Variants in CCDC6 observed in about 807,000 individuals in gnomAD.
CCDC6 encodes coiled-coil domain containing 6, also known as coiled-coil domain-containing protein 6.
A neutral mutation model predicts 56.6 loss-of-function variants in CCDC6; 20 were observed. The observed-to-expected ratio is 0.35, with a 90% CI of 0.25 to 0.51. The LOEUF (loss-of-function observed/expected upper bound fraction) is 0.51, where lower values mean the gene tolerates loss of function less well. Among genes scored for constraint, CCDC6 ranks in the 20% least tolerant of loss-of-function variants. The probability of loss-of-function intolerance (pLI) is 0.95; values close to 1 mark genes in which losing one functional copy is unlikely to be tolerated. For synonymous variants in CCDC6, 241 were observed against 234.4 expected (o/e 1.03, Z -0.26); for missense variants, 367 against 601.1 (o/e 0.61, Z 4.07).
intron 1 of CCDC6, among the ~76,000 whole-genome samples, chr10:59,867,175 G>C (rs1375439279): frequency 6.6e-6 from 1 of 152,238 alleles, no homozygotes; most frequent in South Asian, 2.1e-4. Context: ...TCTGAGATAG[G>C]GAATTTGGGA....
intron 2 of CCDC6, among the ~76,000 whole-genome samples, chr10:59,848,858 C>T (rs1361038298): frequency 3.3e-5 from 5 of 152,096 alleles, no homozygotes; most frequent in African/African-American, 7.2e-5. Flanking sequence ...AGATTACAGG[C>T]GTGTGCCACC....
intron 1 of CCDC6, among the ~76,000 whole-genome samples, chr10:59,888,108 T>A (rs536915987): frequency 1.8e-4 from 27 of 152,244 alleles, no homozygotes; most frequent in Non-Finnish European, 4.4e-5. Context: ...AGACTGCTTG[T>A]TATTCTACCT....
chr10:59,832,797 A>G, intron 2 of CCDC6, 144 bp from the exon 3 acceptor site: 1 of 704,014 alleles, frequency 1.4e-6, no homozygotes, highest in Middle Eastern at 2.5e-4. Flanking sequence ...GTATATACCT[A>G]GTAATCTGTG....
At position 59,794,462 on chromosome 10, in the gene CCDC6, C is replaced by A. The variant is rs756574614; in HGVS notation, c.1230+11G>T. On this transcript the variant is annotated intron_variant, in intron 8 of 8. Coordinates refer to ENST00000263102, the MANE Select transcript of CCDC6 (RefSeq NM_005436.5). ...GAGTAAAGTGCTGCTTCCTACCCCA[C>A]GGACACTTACTGTGATACCATGGGA... 6.2e-7 allele frequency: 1 copy of A among 1,613,684 alleles called. No individual in the cohort carries two copies. The highest frequency in any genetic ancestry group is 8.5e-7 in the Non-Finnish European group (1 of 1,179,722).
chr10:59,793,742 C>T (rs1387366742), intron 8 of CCDC6, among the ~76,000 whole-genome samples: 2 of 151,196 alleles, frequency 1.3e-5, no homozygotes, highest in Non-Finnish European at 2.9e-5. Context: ...AGACATCATG[C>T]TGCTGAACTC....
intron 1 of CCDC6, among the ~76,000 whole-genome samples, chr10:59,872,555 T>C (rs2071238504): frequency 6.6e-6 from 1 of 152,188 alleles, no homozygotes; most frequent in African/African-American, 2.4e-5. Context: ...AAAGACACAC[T>C]GCTTTAACTA....
intron 2 of CCDC6, among the ~76,000 whole-genome samples, chr10:59,837,594 A>C (rs1432741831): frequency 1.3e-5 from 2 of 151,970 alleles, no homozygotes; most frequent in East Asian, 3.9e-4. Context: ...AAATACAAAA[A>C]AATTAGCCAG....
chr10:59,792,611 G>A lies in CCDC6; in HGVS notation c.*306C>T. The A allele has an allele frequency of 2.9e-6, 2 of 679,586 alleles. No individual in the cohort carries two copies. Among genetic ancestry groups the A allele is most frequent in the Non-Finnish European group, 5.5e-6 (2 of 363,868 alleles). 42.1% of individuals were successfully genotyped at this position (679,586 alleles called of 1,614,324 possible). On this transcript the variant is annotated 3_prime_UTR_variant, in exon 9 of 9. Coordinates refer to ENST00000263102, the MANE Select transcript of CCDC6 (RefSeq NM_005436.5). ...AAAAGCCAGGAGAATGAAGCTCTGG[G>A]CCAAGCAAAAATTGCACACTGCTGC...
At chr10:59,905,464 T>G (rs767354543) in intron 1 of CCDC6, among the ~76,000 whole-genome samples, 3 of 152,196 alleles carry the variant, frequency 2.0e-5, no homozygotes, top group Non-Finnish European at 2.9e-5. Context: ...GCGTGGATGC[T>G]GCACTCTCCT....
chr10:59,822,889 C>A (rs990027589), intron 3 of CCDC6, among the ~76,000 whole-genome samples: 7 of 141,546 alleles, frequency 4.9e-5, no homozygotes, highest in Non-Finnish European at 9.4e-5. Context: ...CCCACCCCAC[C>A]CTATGCTTAT....
At chr10:59,853,710 TTTTTAC>T (rs1210873085) in intron 1 of CCDC6, among the ~76,000 whole-genome samples, 6 of 152,036 alleles carry the variant, frequency 3.9e-5, no homozygotes, top group African/African-American at 1.4e-4. Context: ...GGGGCTTCAT[TTTTTAC>T]TTTATTTCCC....
chr10:59,810,816 C>T (rs4948244), intron 5 of CCDC6, among the ~76,000 whole-genome samples: 57,511 of 151,972 alleles, frequency 0.38, 10,981 homozygotes, highest in South Asian at 0.44. Flanking sequence ...ACTAACCTCA[C>T]TTGACAGAAG....
At chr10:59,852,853 T>G in intron 1 of CCDC6, 151 bp from the exon 2 acceptor site, 1 of 553,842 alleles carries the variant, frequency 1.8e-6, no homozygotes, top group South Asian at 3.4e-5. Context: ...ACCCAAGAAA[T>G]GCAAAACAGA....
intron 1 of CCDC6, among the ~76,000 whole-genome samples, chr10:59,905,406 A>G (rs2071535392): frequency 6.6e-6 from 1 of 152,190 alleles, no homozygotes; most frequent in South Asian, 2.1e-4. Flanking sequence ...TCAGCCAGGG[A>G]GTCACAGTCA....
chr10:59,839,703 T>C (rs1249039308), intron 2 of CCDC6, among the ~76,000 whole-genome samples: 2 of 152,380 alleles, frequency 1.3e-5, no homozygotes, highest in Non-Finnish European at 2.9e-5. Flanking sequence ...TTCTTTCATA[T>C]CCAGCTTCTT....
At chr10:59,800,458 T>C (rs1243209743) in intron 7 of CCDC6, among the ~76,000 whole-genome samples, 1 of 152,224 alleles carries the variant, frequency 6.6e-6, no homozygotes, top group African/African-American at 2.4e-5. Flanking sequence ...TTGCAATCCA[T>C]CCAAATTGTT....
rs1196588910 is a variant in CCDC6, at chr10:59,792,257, T to C, written c.*660A>G. 1 of 292,992 alleles carries C rather than the reference T, an allele frequency of 3.4e-6. No individual in the cohort carries two copies. Among genetic ancestry groups the C allele is most frequent in the Admixed American group, 4.7e-5 (1 of 21,332 alleles). The allele number at this position is 292,992 out of a possible 1,614,324, so 18.1% of individuals were successfully genotyped here. On this transcript the variant is annotated 3_prime_UTR_variant, in exon 9 of 9. Transcript: ENST00000263102. ...ATACGATAATTATCCATCCCATTTATGTGGAGAAGGTACAGCCACATGATT... is the reference window on the plus strand; with the variant it reads ...ATACGATAATTATCCATCCCATTTACGTGGAGAAGGTACAGCCACATGATT...
rs751415417 is a variant in CCDC6 at position 59,812,631 on chromosome 10, G to A, written c.847+4C>T. ...TGAAACTAGTGAAACCAGAGGCTAC[G>A]TACGCTGTAACTGAGCAGCTCTCAG... is the stretch of plus-strand genomic sequence containing the variant. On this transcript the variant is annotated splice_donor_region_variant and intron_variant, in intron 5 of 8. Transcript: ENST00000263102. 24 of 1,607,422 alleles carry A rather than the reference G, an allele frequency of 1.5e-5. No individual in the cohort carries two copies. Among genetic ancestry groups the A allele is most frequent in the South Asian group, 1.2e-4 (11 of 90,270 alleles).
At chr10:59,893,604 T>TCAAA (rs1178169117) in intron 1 of CCDC6, among the ~76,000 whole-genome samples, 142 of 146,134 alleles carry the variant, frequency 9.7e-4, no homozygotes, top group African/African-American at 3.5e-3. Flanking sequence ...AGACTTTGTC[T>TCAAA]CAAACAAACA....
Sources: gnomAD v4.1 joint callset for allele counts (sites outside exome capture counted in the v4.1 genomes callset) on GRCh38, gnomAD v4.1.1 for gene constraint, MANE v1.5 for transcripts, NCBI Gene and HGNC (gene_info 2026-07-23, HGNC 2026-07-21) for gene names.